Variants in POTEJ observed in about 807,000 individuals in gnomAD.
POTEJ encodes POTE ankyrin domain family, member J.
A neutral mutation model predicts 69.0 loss-of-function variants in POTEJ; 11 were observed. The observed-to-expected ratio is 0.16, with a 90% CI of 0.10 to 0.26. The LOEUF is 0.26. Among genes scored for constraint, POTEJ ranks in the 10% least tolerant of loss-of-function variants. The pLI is 1.00. For missense variants in POTEJ, 327 were observed against 1,045.5 expected (o/e 0.31, Z 9.48); for synonymous variants, 117 against 381.1 (o/e 0.31, Z 8.07).
chr2:130,642,152 G>A (rs1374116682), intron 10 of POTEJ, among the ~76,000 whole-genome samples: 3 of 148,282 alleles, frequency 2.0e-5, no homozygotes, highest in South Asian at 4.3e-4. Flanking sequence ...GCCGCCTGCA[G>A]CCAATCAGAA....
chr2:130,636,757 G>A (rs1448969129), intron 9 of POTEJ, among the ~76,000 whole-genome samples: 1 of 148,070 alleles, frequency 6.8e-6, no homozygotes, highest in African/African-American at 2.5e-5. Flanking sequence ...AGTGAATGGA[G>A]TTTATCCTGT....
intron 6 of POTEJ, among the ~76,000 whole-genome samples, chr2:130,626,759 G>A (rs1234763037): frequency 8.0e-4 from 122 of 152,214 alleles, no homozygotes; most frequent in Non-Finnish European, 1.5e-3. Context: ...GTATTACAAG[G>A]TTTTCACCCG....
chr2:130,613,235 C>CAT (rs1165779011), intron 1 of POTEJ, among the ~76,000 whole-genome samples: 1 of 125,320 alleles, frequency 8.0e-6, no homozygotes, highest in Non-Finnish European at 1.8e-5. Context: ...GATATATATA[C>CAT]ATATATATAC....
rs375385078 is a variant in POTEJ at position 130,641,612 on chromosome 2, A to G, written c.1370-2371A>G. ...TCTCAGATGATGTACAGGTTTCCAG[A>G]TTGTACACTAGTATTTAACCTGGAC... On this transcript the variant is annotated intron_variant, in intron 10 of 14. Transcript: ENST00000409602. Among the ~76,000 whole-genome samples, 26 of 151,498 alleles carry G rather than the reference A, an allele frequency of 1.7e-4. No individual in the cohort carries two copies. The East Asian group carries it at 4.1e-3, about 24-fold the overall frequency.
intron 7 of POTEJ, among the ~76,000 whole-genome samples, chr2:130,630,882 C>T (rs1685873290): frequency 1.4e-5 from 2 of 143,486 alleles, no homozygotes; most frequent in South Asian, 2.1e-4. Context: ...GGAGAATTTG[C>T]ATCTCTTTCT....
chr2:130,611,095 G>A (rs2105188119), upstream of POTEJ, among the ~76,000 whole-genome samples: 1 of 150,470 alleles, frequency 6.6e-6, no homozygotes, highest in African/African-American at 2.4e-5. Context: ...CATGCTGCAC[G>A]CGGGTAACTG....
rs369835653 is a variant in POTEJ, at chr2:130,627,269, C to G, written c.1016-2680C>G. Among the ~76,000 whole-genome samples, 53 of 151,300 alleles carry G rather than the reference C, an allele frequency of 3.5e-4. No homozygotes were observed. The East Asian group carries it at 8.7e-3, about 25-fold the overall frequency. ...TAACTCGCATCCTACTAGTTTGACT[C>G]TCACTAATAAGACTTGTCAAAGATC... On this transcript the variant is annotated intron_variant, in intron 6 of 14. Transcript: ENST00000409602.
At chr2:130,624,380 A>G (rs1685628417) in intron 6 of POTEJ, among the ~76,000 whole-genome samples, 1 of 142,132 alleles carries the variant, frequency 7.0e-6, no homozygotes, top group Admixed American at 6.7e-5. Flanking sequence ...TTTTTCTGCA[A>G]CTGGATGGTC....
intron 1 of POTEJ, among the ~76,000 whole-genome samples, chr2:130,613,395 T>TATAG (rs1685312047): frequency 7.1e-6 from 1 of 140,532 alleles, no homozygotes; most frequent in Non-Finnish European, 1.5e-5. Context: ...TATATATATA[T>TATAG]ATATATATAT....
At chr2:130,629,112 G>C (rs543368315) in intron 6 of POTEJ, among the ~76,000 whole-genome samples, 1 of 152,158 alleles carries the variant, frequency 6.6e-6, no homozygotes, top group South Asian at 2.1e-4. Context: ...ACTAATAAAG[G>C]TGTCAGTAGT....
chr2:130,637,238 A>G (rs1404960758), intron 9 of POTEJ, among the ~76,000 whole-genome samples: 7 of 151,588 alleles, frequency 4.6e-5, no homozygotes, highest in African/African-American at 1.7e-4. Flanking sequence ...GTTATTCACT[A>G]TTTATTCTTT....
intron 13 of POTEJ, among the ~76,000 whole-genome samples, chr2:130,647,978 A>G (rs1686652109): frequency 6.8e-6 from 1 of 147,046 alleles, no homozygotes; most frequent in Admixed American, 6.8e-5. Context: ...AACTACATTT[A>G]TAAAATAAGA....
At chr2:130,613,112 G>T (rs1202868071) in intron 1 of POTEJ, among the ~76,000 whole-genome samples, 2 of 139,804 alleles carry the variant, frequency 1.4e-5, no homozygotes, top group Non-Finnish European at 3.1e-5. Context: ...TTCATTTTTG[G>T]AGAAAACTAG....
chr2:130,613,020 G>A (rs1275507315), intron 1 of POTEJ, among the ~76,000 whole-genome samples: 2 of 135,472 alleles, frequency 1.5e-5, no homozygotes, highest in South Asian at 2.3e-4. Flanking sequence ...AGGAAATTTA[G>A]AAATACCCAA....
chr2:130,650,275 G>C (rs1463300435), intron 13 of POTEJ, among the ~76,000 whole-genome samples: 2 of 152,282 alleles, frequency 1.3e-5, no homozygotes, highest in Non-Finnish European at 2.9e-5. Context: ...TTTCTCAGCA[G>C]GGACTTTTCT....
At chr2:130,637,530 C>G (rs1686144194) in intron 9 of POTEJ, among the ~76,000 whole-genome samples, 1 of 151,756 alleles carries the variant, frequency 6.6e-6, no homozygotes, top group African/African-American at 2.4e-5. Flanking sequence ...TGCTGAGTAG[C>G]TTTAAGGAAA....
intron 6 of POTEJ, among the ~76,000 whole-genome samples, chr2:130,626,592 T>C (rs1265735436): frequency 3.9e-5 from 6 of 152,224 alleles, no homozygotes; most frequent in Non-Finnish European, 7.3e-5. Context: ...AAACTTTATT[T>C]ACAAAACCAT....
In POTEJ at chr2:130,613,249, TATATACAC is replaced by T. The variant is rs1419798224; in HGVS notation, c.410+1313_410+1320del. The stretch of plus-strand genomic sequence containing the variant: ...AGATATATATACATATATATACATA[TATATACAC>T]ATATATACATATATATACATATGTA... On this transcript the variant is annotated intron_variant, in intron 1 of 14. Coordinates refer to ENST00000409602, the MANE Select transcript of POTEJ (RefSeq NM_001277083.2). Among the ~76,000 whole-genome samples, 143 of 135,366 alleles carry T rather than the reference TATATACAC, an allele frequency of 1.1e-3. 1 individual carries two copies. The highest frequency in any genetic ancestry group is 4.0e-3 in the Middle Eastern group (1 of 248). The allele number at this position is 135,366 out of a possible 152,430, so 88.8% of individuals were successfully genotyped here.
chr2:130,651,999 T>A lies in POTEJ; in HGVS notation c.1668-2922T>A, dbSNP rs1265278252. On this transcript the variant is annotated intron_variant, in intron 13 of 14. Coordinates refer to ENST00000409602, the MANE Select transcript of POTEJ (RefSeq NM_001277083.2). ...ACCCCCCCCCAATAGTTTGGCTTTG[T>A]GTTTCTATGCAAATCTCATGTCAAA... is the stretch of plus-strand genomic sequence containing the variant. Among the ~76,000 whole-genome samples, 5 of 133,642 alleles carry A rather than the reference T, an allele frequency of 3.7e-5. 1 individual carries two copies. The highest frequency in any genetic ancestry group is 7.7e-5 in the Non-Finnish European group (5 of 64,838). The allele number at this position is 133,642 out of a possible 152,430, so 87.7% of individuals were successfully genotyped here. A position where few individuals can be genotyped will look rare whatever the true frequency, so the allele number is the denominator to read the frequency against.
Sources: allele counts gnomAD v4.1 joint callset (sites outside exome capture counted in the v4.1 genomes callset), GRCh38; gene constraint gnomAD v4.1.1; transcripts MANE v1.5; gene names NCBI Gene and HGNC (gene_info 2026-07-23, HGNC 2026-07-21).